The following GBE1 variants were observed in gnomAD, a reference collection of about 807,000 sequenced individuals.
GBE1 encodes 1,4-alpha-glucan-branching enzyme.
GBE1 carries 70 observed loss-of-function variants against 88.8 expected under a neutral mutation model. The observed-to-expected ratio is 0.79, with a 90% CI of 0.65 to 0.96. The LOEUF is 0.96. Among genes scored for constraint, GBE1 ranks in the 40% least tolerant of loss-of-function variants. The probability of loss-of-function intolerance (pLI) is 0.00; values close to 1 mark genes in which losing one functional copy is unlikely to be tolerated. For synonymous variants in GBE1, 284 were observed against 300.1 expected (o/e 0.95, Z 0.56); for missense variants, 872 against 871.0 (o/e 1.00, Z -0.01).
At chr3:81,604,130 C>G (rs1161325978) in intron 7 of GBE1, among the ~76,000 whole-genome samples, 4 of 152,066 alleles carry the variant, frequency 2.6e-5, no homozygotes, top group Admixed American at 2.0e-4. Flanking sequence ...GTCCTGTTTT[C>G]CCAACATAAT....
At chr3:81,524,580 T>C (rs1401167351) in intron 14 of GBE1, among the ~76,000 whole-genome samples, 1 of 151,896 alleles carries the variant, frequency 6.6e-6, no homozygotes, top group Admixed American at 6.6e-5. Flanking sequence ...TGATTTGTTT[T>C]TTGTATATAA....
chr3:81,711,091 C>T (rs1705859039), intron 1 of GBE1, among the ~76,000 whole-genome samples: 1 of 152,140 alleles, frequency 6.6e-6, no homozygotes, highest in Non-Finnish European at 1.5e-5. Flanking sequence ...CAGATCAGTA[C>T]TGAAGCTCTA....
At chr3:81,736,683 C>T (rs190464266) in intron 1 of GBE1, among the ~76,000 whole-genome samples, 8 of 152,268 alleles carry the variant, frequency 5.3e-5, no homozygotes, top group Non-Finnish European at 1.0e-4. Context: ...TACAGGGCTT[C>T]CTAAATATCT....
chr3:81,528,231 G>C (rs572635877), intron 14 of GBE1, among the ~76,000 whole-genome samples: 4 of 139,992 alleles, frequency 2.9e-5, no homozygotes, highest in Non-Finnish European at 4.6e-5. Flanking sequence ...GTGGGAGGAG[G>C]GGGGAGGGGG....
At chr3:81,500,930 T>C (rs1702577928) in intron 14 of GBE1, among the ~76,000 whole-genome samples, 1 of 152,114 alleles carries the variant, frequency 6.6e-6, no homozygotes, top group Admixed American at 6.6e-5. Flanking sequence ...CCTGCGTTAA[T>C]TCAACACACA....
chr3:81,610,164 T>C (rs1704160218), intron 7 of GBE1, among the ~76,000 whole-genome samples: 1 of 152,198 alleles, frequency 6.6e-6, no homozygotes, highest in South Asian at 2.1e-4. Flanking sequence ...TCTGGCCCAC[T>C]GGTTCAAATT....
intron 3 of GBE1, 51 bp downstream of exon 3, chr3:81,670,787 A>C (rs892024489): frequency 5.1e-6 from 5 of 979,654 alleles, no homozygotes; most frequent in Admixed American, 3.3e-5. Context: ...TTGGCAAACA[A>C]GATAAAAAGA....
intron 7 of GBE1, among the ~76,000 whole-genome samples, chr3:81,602,602 T>C (rs1248544553): frequency 6.6e-6 from 1 of 152,064 alleles, no homozygotes; most frequent in African/African-American, 2.4e-5. Flanking sequence ...CTAAGAGCGC[T>C]AATCCCATTC....
intron 14 of GBE1, chr3:81,509,651 G>A (rs188172382): frequency 6.1e-4 from 93 of 151,482 alleles, no homozygotes; most frequent in African/African-American, 2.2e-3. Flanking sequence ...ATTTTCCTTT[G>A]CAGTCTCCTC....
At chr3:81,706,698 T>C (rs1015500780) in intron 1 of GBE1, among the ~76,000 whole-genome samples, 1 of 151,992 alleles carries the variant, frequency 6.6e-6, no homozygotes, top group Non-Finnish European at 1.5e-5. Context: ...ACATAGAAAA[T>C]GGACCTTTTT....
chr3:81,647,191 C>G (rs1704777565), intron 5 of GBE1, among the ~76,000 whole-genome samples: 1 of 152,108 alleles, frequency 6.6e-6, no homozygotes, highest in Non-Finnish European at 1.5e-5. Context: ...CTCCTGACCT[C>G]AGGTGATCCA....
At chr3:81,604,872 C>A (rs774898181) in intron 7 of GBE1, among the ~76,000 whole-genome samples, 1 of 151,952 alleles carries the variant, frequency 6.6e-6, no homozygotes, top group Non-Finnish European at 1.5e-5. Context: ...CTTTAGAGAC[C>A]TTTCATAACA....
At chr3:81,668,862 T>C (rs1450379543) in intron 3 of GBE1, among the ~76,000 whole-genome samples, 1 of 152,204 alleles carries the variant, frequency 6.6e-6, no homozygotes, top group Non-Finnish European at 1.5e-5. Flanking sequence ...AGGAAGCTGC[T>C]TCTACTGAGT....
chr3:81,523,053 A>C (rs1038381774), intron 14 of GBE1, among the ~76,000 whole-genome samples: 1 of 151,474 alleles, frequency 6.6e-6, no homozygotes, highest in Non-Finnish European at 1.5e-5. Context: ...CAAGATTTTC[A>C]AAACCGAACC....
intron 3 of GBE1, among the ~76,000 whole-genome samples, chr3:81,664,893 T>C (rs1705089756): frequency 6.6e-6 from 1 of 152,206 alleles, no homozygotes; most frequent in African/African-American, 2.4e-5. Context: ...CCTTGTTTAA[T>C]ATAAGTATGC....
intron 3 of GBE1, among the ~76,000 whole-genome samples, chr3:81,656,506 G>A (rs1704941735): frequency 6.6e-6 from 1 of 152,156 alleles, no homozygotes; most frequent in African/African-American, 2.4e-5. Context: ...TCAAAGCTAT[G>A]AGAGAATACA....
chr3:81,568,991 A>C (rs1703534993), intron 12 of GBE1, among the ~76,000 whole-genome samples: 2 of 152,114 alleles, frequency 1.3e-5, no homozygotes, highest in Admixed American at 1.3e-4. Flanking sequence ...CACCCCCCCA[A>C]AATATGAATT....
At chr3:81,504,630 A>C (rs1374832465) in intron 14 of GBE1, among the ~76,000 whole-genome samples, 1 of 152,148 alleles carries the variant, frequency 6.6e-6, no homozygotes, top group African/African-American at 2.4e-5. Flanking sequence ...AACAGGTTGA[A>C]GTAGATAAGT....
intron 2 of GBE1, among the ~76,000 whole-genome samples, chr3:81,677,038 T>C (rs1459099208): frequency 1.3e-5 from 2 of 152,204 alleles, no homozygotes; most frequent in African/African-American, 4.8e-5. Flanking sequence ...TTCTCAAATG[T>C]CAGCCTCCTT....
Sources: gnomAD v4.1 joint callset for allele counts (sites outside exome capture counted in the v4.1 genomes callset) on GRCh38, gnomAD v4.1.1 for gene constraint, MANE v1.5 for transcripts, NCBI Gene and HGNC (gene_info 2026-07-23, HGNC 2026-07-21) for gene names.